FXR1: variants seen among roughly 807,000 people sequenced by gnomAD.
FXR1 encodes the protein FMR1 autosomal homolog 1.
In FXR1, 15 loss-of-function variants were observed where a neutral mutation model predicts 84.0. That is an observed-to-expected ratio of 0.18 (90% CI 0.12 to 0.27). FXR1 has a LOEUF of 0.27. Among genes scored for constraint, FXR1 ranks in the 10% least tolerant of loss-of-function variants. The pLI is 1.00. For synonymous variants in FXR1, 245 were observed against 250.7 expected (o/e 0.98, Z 0.21); for missense variants, 480 against 774.4 (o/e 0.62, Z 4.51).
chr3:180,975,971 T>C (rs1451927016), intron 16 of FXR1, 151 bp from the exon 17 acceptor site: 1 of 591,102 alleles, frequency 1.7e-6, no homozygotes, highest in Non-Finnish European at 3.0e-6. Context: ...GTTATTTGTT[T>C]TGAATTTTAA....
rs1330118067 is a variant in FXR1, at chr3:180,978,381, G to A, written c.*2089G>A. On this transcript the variant is annotated 3_prime_UTR_variant, in exon 17 of 17. Coordinates refer to ENST00000357559, the MANE Select transcript of FXR1 (RefSeq NM_005087.4). ...TACAAATGACTAAACCCAATGTCTT[G>A]TCCTTTAAAAAATATAGGTAGTGCA... The A allele has an allele frequency of 6.6e-6, 1 of 152,010 alleles. No homozygotes were observed. The highest frequency in any genetic ancestry group is 1.5e-5 in the Non-Finnish European group (1 of 67,940). 9.4% of individuals were successfully genotyped at this position (152,010 alleles called of 1,614,324 possible).
chr3:180,949,491 GT>G (rs1722005273), intron 7 of FXR1, 148 bp downstream of exon 7: 1 of 644,176 alleles, frequency 1.6e-6, no homozygotes, highest in South Asian at 1.7e-5. Context: ...GATTCAAGCG[GT>G]TCTCCTGCCT....
intron 9 of FXR1, among the ~76,000 whole-genome samples, chr3:180,955,141 C>T (rs1425434444): frequency 2.6e-5 from 4 of 151,680 alleles, no homozygotes; most frequent in African/African-American, 7.3e-5. Context: ...ACTACAGGCG[C>T]CTGCCACCAC....
At chr3:180,927,944 G>T (rs1415888465) in intron 1 of FXR1, 1 of 294,192 alleles carries the variant, frequency 3.4e-6, no homozygotes, top group East Asian at 5.2e-5. Context: ...TTTCTCCTTT[G>T]TATGTGATGC....
intron 10 of FXR1, among the ~76,000 whole-genome samples, chr3:180,960,002 T>C (rs1449163151): frequency 6.6e-6 from 1 of 152,224 alleles, no homozygotes; most frequent in African/African-American, 2.4e-5. Context: ...GAAACCATTC[T>C]GTAAAATGAA....
intron 3 of FXR1, among the ~76,000 whole-genome samples, chr3:180,947,011 TTATAGA>T (rs1275612024): frequency 7.9e-5 from 12 of 152,318 alleles, no homozygotes; most frequent in East Asian, 7.7e-4. Context: ...AAACTGATAT[TTATAGA>T]TATAAAGAAT....
chr3:180,916,857 A>G (rs1055228052), intron 1 of FXR1, among the ~76,000 whole-genome samples: 3 of 151,878 alleles, frequency 2.0e-5, no homozygotes, highest in African/African-American at 7.3e-5. Flanking sequence ...TTTTCTTGAG[A>G]CGGAGTCTTG....
intron 1 of FXR1, chr3:180,915,751 A>G: frequency 3.1e-6 from 2 of 636,632 alleles, no homozygotes; most frequent in South Asian, 1.7e-5. Context: ...GCCTTGAGGC[A>G]GTACTCTGTA....
chr3:180,963,280 A>G (rs1250917398), intron 13 of FXR1, among the ~76,000 whole-genome samples, 190 bp downstream of exon 13: 3 of 152,090 alleles, frequency 2.0e-5, no homozygotes, highest in South Asian at 2.1e-4. Context: ...AGTAAAATAT[A>G]TAAAATTTCC....
intron 15 of FXR1, among the ~76,000 whole-genome samples, chr3:180,973,288 A>G (rs1325092683): frequency 5.3e-5 from 8 of 152,214 alleles, no homozygotes; most frequent in Non-Finnish European, 8.8e-5. Context: ...TGATAACTAT[A>G]TCAAAATATT....
chr3:180,951,527 T>TA, intron 8 of FXR1, 59 bp downstream of exon 8: 7 of 1,201,488 alleles, frequency 5.8e-6, no homozygotes, highest in Non-Finnish European at 4.7e-6. Context: ...TGTTTGATTA[T>TA]ATTTTTATCT....
In FXR1 at chr3:180,942,356, C is replaced by A. The variant is rs567654028; in HGVS notation, c.199-5509C>A. Among the ~76,000 whole-genome samples the A allele has an allele frequency of 5.3e-5, 6 of 113,016 alleles. No individual in the cohort carries two copies. The South Asian group carries it at 1.5e-3, about 27-fold the overall frequency. 74.1% of individuals were successfully genotyped at this position (113,016 alleles called of 152,430 possible). The stretch of plus-strand genomic sequence containing the variant: ...TTGCGCCACTGCACTCCAGCCTGGG[C>A]GACAGAGCGAGACTCCGTCTCAAAA... On this transcript the variant is annotated intron_variant, in intron 3 of 16. Coordinates refer to ENST00000357559, the MANE Select transcript of FXR1 (RefSeq NM_005087.4).
intron 1 of FXR1, among the ~76,000 whole-genome samples, chr3:180,929,335 A>C (rs918751355): frequency 1.3e-5 from 2 of 152,124 alleles, no homozygotes; most frequent in Non-Finnish European, 2.9e-5. Flanking sequence ...TTTTGAATAC[A>C]CTTCAGATGT....
chr3:180,955,930 C>T (rs1489922962), intron 9 of FXR1, among the ~76,000 whole-genome samples: 1 of 152,150 alleles, frequency 6.6e-6, no homozygotes, highest in Non-Finnish European at 1.5e-5. Flanking sequence ...ATAGGAAATA[C>T]ACATTAGCAG....
intron 14 of FXR1, among the ~76,000 whole-genome samples, chr3:180,968,839 A>G (rs1025626027): frequency 2.0e-5 from 3 of 152,182 alleles, no homozygotes; most frequent in Non-Finnish European, 4.4e-5. Context: ...AAATTTTTTT[A>G]TGCTTTACAT....
At chr3:180,927,557 G>T in intron 1 of FXR1, 1 of 573,418 alleles carries the variant, frequency 1.7e-6, no homozygotes, top group South Asian at 2.1e-5. Context: ...CTGTCAAGTT[G>T]AGAAACTTTT....
intron 1 of FXR1, among the ~76,000 whole-genome samples, chr3:180,917,113 G>A (rs370747102): frequency 1.2e-4 from 18 of 152,358 alleles, no homozygotes; most frequent in African/African-American, 4.3e-4. Context: ...TGGGAATACA[G>A]GCGTGAGCCA....
intron 1 of FXR1, among the ~76,000 whole-genome samples, chr3:180,914,217 C>T (rs377229565): frequency 1.2e-4 from 18 of 152,252 alleles, no homozygotes; most frequent in East Asian, 9.7e-4. Context: ...AATTTGAGTA[C>T]ATAGTTAATT....
At chr3:180,960,526 C>T (rs1236637774) in intron 10 of FXR1, among the ~76,000 whole-genome samples, 1 of 152,146 alleles carries the variant, frequency 6.6e-6, no homozygotes, top group Non-Finnish European at 1.5e-5. Flanking sequence ...AGGGCAGTGG[C>T]ACAGTCTTGG....
Sources: gnomAD v4.1 joint callset for allele counts (sites outside exome capture counted in the v4.1 genomes callset) on GRCh38, gnomAD v4.1.1 for gene constraint, MANE v1.5 for transcripts, NCBI Gene and HGNC (gene_info 2026-07-23, HGNC 2026-07-21) for gene names.